The following PRKX variants were observed in gnomAD, a reference collection of about 807,000 sequenced individuals.
The protein encoded by PRKX is cAMP-dependent protein kinase catalytic subunit PRKX.
Under a neutral mutation model 22.0 loss-of-function variants are expected in PRKX, and 12 were observed. The ratio of observed to expected loss-of-function variants is 0.54; its 90% CI spans 0.35 to 0.88. PRKX has a LOEUF of 0.88. Among genes scored for constraint, PRKX ranks in the 40% least tolerant of loss-of-function variants. The pLI, the probability that PRKX is intolerant of heterozygous loss-of-function variation, is 0.01. For missense variants in PRKX, 217 were observed against 308.0 expected, an observed-to-expected ratio of 0.70 and a Z score of 2.21; for synonymous variants, 134 against 137.7, an observed-to-expected ratio of 0.97 and a Z score of 0.19.
chrX:3,691,396 C>G (rs1163440954), intron 1 of PRKX, among the ~76,000 whole-genome samples: 1 of 76,688 alleles, frequency 1.3e-5, no homozygotes, highest in Non-Finnish European at 2.7e-5. Context: ...GAGGGATAAG[C>G]AGTTAGTATT....
In PRKX at chrX:3,646,815, C is replaced by A. The variant is rs1256732181; in HGVS notation, c.600-4844G>T. On this transcript the variant is annotated intron_variant, in intron 3 of 8. Coordinates refer to ENST00000262848, the MANE Select transcript of PRKX (RefSeq NM_005044.5). ...TGTGTTTGCGAGCATGGGACAGCTT[C>A]CGATGGCCAGCCCAGGCCCTGGGAG... 3.6e-5 allele frequency among the ~76,000 whole-genome samples: 4 copies of A among 110,741 alleles called. No individual in the cohort carries two copies. The Admixed American group carries it at 3.9e-4, about 11-fold the overall frequency.
At chrX:3,686,037 GA>G (rs1320788197) in intron 1 of PRKX, among the ~76,000 whole-genome samples, 1 of 111,874 alleles carries the variant, frequency 8.9e-6, no homozygotes, top group Admixed American at 9.5e-5. Flanking sequence ...GACAGAGCAA[GA>G]CCCCCTCTCA....
chrX:3,659,721 T>TGG (rs1569053364), intron 2 of PRKX, among the ~76,000 whole-genome samples: 1 of 46,080 alleles, frequency 2.2e-5, no homozygotes, highest in African/African-American at 6.7e-5. Flanking sequence ...TTTTTTGTTT[T>TGG]TTTTTTTGTT....
At chrX:3,697,193 C>T (rs1324112160) in intron 1 of PRKX, among the ~76,000 whole-genome samples, 1 of 111,390 alleles carries the variant, frequency 9.0e-6, no homozygotes, top group Non-Finnish European at 1.9e-5. Context: ...CCCACACCCC[C>T]ATGTCTACTA....
intron 5 of PRKX, among the ~76,000 whole-genome samples, chrX:3,622,109 A>C (rs1221484667): frequency 9.0e-6 from 1 of 110,504 alleles, no homozygotes; most frequent in Non-Finnish European, 1.9e-5. Flanking sequence ...GAGCCACTGC[A>C]CTCCAGTCTG....
chrX:3,604,499 ACAG>A lies in PRKX; in HGVS notation c.*4467_*4469del, dbSNP rs1926118142. On this transcript the variant is annotated 3_prime_UTR_variant, in exon 9 of 9. Coordinates refer to ENST00000262848, the MANE Select transcript of PRKX (RefSeq NM_005044.5). ...GTGATTTCCATTGTGCAACAAACAG[ACAG>A]GATTAAAAATAGGCACTCCCCTCCC... 1.8e-5 allele frequency: 2 copies of A among 110,578 alleles called. No individual in the cohort carries two copies. Among genetic ancestry groups the A allele is most frequent in the Non-Finnish European group, 3.8e-5 (2 of 53,227 alleles). The allele number at this position is 110,578 out of a possible 1,213,427, so 9.1% of individuals were successfully genotyped here.
Position 3,605,246 on chromosome X carries a change from G to A in PRKX, c.*3723C>T, listed in dbSNP as rs1926142498. 1 of 111,814 alleles carries A rather than the reference G, an allele frequency of 8.9e-6. No homozygotes were observed. The highest frequency in any genetic ancestry group is 1.9e-5 in the Non-Finnish European group (1 of 53,230). The allele number at this position is 111,814 out of a possible 1,213,427, so 9.2% of individuals were successfully genotyped here. A position where few individuals can be genotyped will look rare whatever the true frequency, so the allele number is the denominator to read the frequency against. On this transcript the variant is annotated 3_prime_UTR_variant, in exon 9 of 9. Coordinates refer to ENST00000262848, the MANE Select transcript of PRKX (RefSeq NM_005044.5). ...TAAAATGCATGCTAGGTAGATTGAA[G>A]GAAAAACGAGAGGAACCCGGGCACC...
rs925137437 is a variant in PRKX, at chrX:3,690,511, C to A, written c.167-15745G>T. Among the ~76,000 whole-genome samples, 5 of 112,248 alleles carry A rather than the reference C, an allele frequency of 4.5e-5. No homozygotes were observed. The East Asian group carries it at 1.1e-3, about 25-fold the overall frequency. Reference sequence around the variant, plus strand: ...AGTTGGGAAGCCAAGGTGGGCGGATCACTTGAGCACAGGAGTTCAAGACCA... The same window carrying A: ...AGTTGGGAAGCCAAGGTGGGCGGATAACTTGAGCACAGGAGTTCAAGACCA... On this transcript the variant is annotated intron_variant, in intron 1 of 8. Transcript: ENST00000262848.
chrX:3,637,080 AGG>A lies in PRKX; in HGVS notation c.719+4770_719+4771del, dbSNP rs1491289237. ...AGGGAGGAAGGAGAGAGAGAGAGAG[AGG>A]GAGGGAGAGAGGAAGGAAGGAGAGA... On this transcript the variant is annotated intron_variant, in intron 4 of 8. Coordinates refer to ENST00000262848, the MANE Select transcript of PRKX (RefSeq NM_005044.5). 4.9e-5 allele frequency among the ~76,000 whole-genome samples: 4 copies of A among 81,349 alleles called. No homozygotes were observed. The East Asian group carries it at 1.6e-3, about 32-fold the overall frequency. 70.6% of individuals were successfully genotyped at this position (81,349 alleles called of 115,157 possible).
rs767724608 is a variant in PRKX, at chrX:3,662,626, C to T, written c.336-7214G>A. Among the ~76,000 whole-genome samples, 31 of 93,446 alleles carry T rather than the reference C, an allele frequency of 3.3e-4. No individual in the cohort carries two copies. In the East Asian group the frequency reaches 7.7e-3, roughly 23 times the overall value. 81.1% of individuals were successfully genotyped at this position (93,446 alleles called of 115,157 possible). A position where few individuals can be genotyped will look rare whatever the true frequency, so the allele number is the denominator to read the frequency against. ...AGGAGAATGGCGTGAACCTGGGAGG[C>T]GGAGCTTGCAGTGAACCAAGATCAC... On this transcript the variant is annotated intron_variant, in intron 2 of 8. Coordinates refer to ENST00000262848, the MANE Select transcript of PRKX (RefSeq NM_005044.5).
At chrX:3,690,989 C>T (rs889469232) in intron 1 of PRKX, among the ~76,000 whole-genome samples, 1 of 111,596 alleles carries the variant, frequency 9.0e-6, no homozygotes, top group African/African-American at 3.3e-5. Context: ...AGCCTACCTC[C>T]ACGATAGTGT....
intron 8 of PRKX, chrX:3,610,943 G>C (rs1926283370): frequency 9.0e-6 from 1 of 111,481 alleles, no homozygotes; most frequent in Non-Finnish European, 1.9e-5. Flanking sequence ...AACACATTCA[G>C]GAACATCTTA....
At chrX:3,659,984 TCTCGA>T (rs1228751566) in intron 2 of PRKX, among the ~76,000 whole-genome samples, 1 of 111,360 alleles carries the variant, frequency 9.0e-6, no homozygotes, top group Non-Finnish European at 1.9e-5. Flanking sequence ...ATCACTGACA[TCTCGA>T]CTCATTTTCT....
At chrX:3,681,712 A>T (rs1928077347) in intron 1 of PRKX, among the ~76,000 whole-genome samples, 1 of 105,870 alleles carries the variant, frequency 9.4e-6, no homozygotes, top group Non-Finnish European at 2.0e-5. Context: ...AAGAGAAATA[A>T]TTTTTTTAAA....
At chrX:3,653,254 G>C (rs186249966) in intron 3 of PRKX, among the ~76,000 whole-genome samples, 383 of 109,879 alleles carry the variant, frequency 3.5e-3, no homozygotes, top group Non-Finnish European at 5.2e-3. Context: ...GAGCCCCCTC[G>C]CCCCTTCCAC....
chrX:3,655,417 G>A lies in PRKX; in HGVS notation c.336-5C>T, dbSNP rs756805333. On this transcript the variant is annotated splice_polypyrimidine_tract_variant and splice_region_variant and intron_variant, in intron 2 of 8. Transcript: ENST00000262848. Reference sequence around the variant, plus strand: ...TCGTCATGCCACGTCCAGAACCTGCGGGGACAGACAGCACATGCTCAGGGC... The same window carrying A: ...TCGTCATGCCACGTCCAGAACCTGCAGGGACAGACAGCACATGCTCAGGGC... 8 of 1,211,931 alleles carry A rather than the reference G, an allele frequency of 6.6e-6. No homozygotes were observed. The highest frequency in any genetic ancestry group is 1.8e-5 in the South Asian group (1 of 57,001).
At chrX:3,656,564 T>C (rs1485068236) in intron 2 of PRKX, among the ~76,000 whole-genome samples, 2 of 111,406 alleles carry the variant, frequency 1.8e-5, no homozygotes, top group African/African-American at 3.3e-5. Context: ...AAGGTGTGCA[T>C]ACAGACAGAT....
At chrX:3,678,863 T>G (rs1288822943) in intron 1 of PRKX, among the ~76,000 whole-genome samples, 1 of 111,379 alleles carries the variant, frequency 9.0e-6, no homozygotes, top group Non-Finnish European at 1.9e-5. Flanking sequence ...CAGCTAAGGG[T>G]GGCCATCTGA....
chrX:3,690,962 G>A (rs1414289686), intron 1 of PRKX, among the ~76,000 whole-genome samples: 2 of 111,806 alleles, frequency 1.8e-5, no homozygotes, highest in African/African-American at 6.5e-5. Flanking sequence ...AATCCAGCCA[G>A]GTTAAAGATA....
Sources: allele counts gnomAD v4.1 joint callset (sites outside exome capture counted in the v4.1 genomes callset), GRCh38; gene constraint gnomAD v4.1.1; transcripts MANE v1.5; gene names NCBI Gene and HGNC (gene_info 2026-07-23, HGNC 2026-07-21).